ZDHHC7: variants seen among roughly 807,000 people sequenced by gnomAD.
The protein encoded by ZDHHC7 is zDHHC palmitoyltransferase 7, also known as palmitoyltransferase ZDHHC7.
ZDHHC7 carries 12 observed loss-of-function variants against 34.1 expected under a neutral mutation model. That is an observed-to-expected ratio of 0.35 (90% confidence interval 0.23 to 0.57). The LOEUF is 0.57. ZDHHC7 is among the 20% of genes least tolerant of loss of function. The pLI is 0.84. For missense variants in ZDHHC7, 388 were observed against 402.7 expected (o/e 0.96, Z 0.31); for synonymous variants, 185 against 155.4 (o/e 1.19, Z -1.42).
chr16:84,983,895 G>A lies in ZDHHC7; in HGVS notation c.316-1901C>T, dbSNP rs111525738. On this transcript the variant is annotated intron_variant, in intron 3 of 7. Coordinates refer to ENST00000313732, the MANE Select transcript of ZDHHC7 (RefSeq NM_017740.3). The stretch of plus-strand genomic sequence containing the variant: ...TGCGCTTGTAATATCCCAGCTACTC[G>A]GGAGGGTGAGGCAGAGCACCCGGGA... Among the ~76,000 whole-genome samples the A allele has an allele frequency of 5.0e-3, 749 of 151,102 alleles. 7 individuals carry two copies. The highest frequency in any genetic ancestry group is 0.017 in the African/African-American group (717 of 41,160).
intron 1 of ZDHHC7, among the ~76,000 whole-genome samples, chr16:85,000,045 C>T (rs2072633248): frequency 6.6e-6 from 1 of 151,370 alleles, no homozygotes; most frequent in South Asian, 2.1e-4. Context: ...GAGGCTGAGG[C>T]AGGAGGATCG....
intron 3 of ZDHHC7, among the ~76,000 whole-genome samples, chr16:84,987,828 T>A (rs535389740): frequency 7.8e-4 from 118 of 152,256 alleles, no homozygotes; most frequent in African/African-American, 2.8e-3. Context: ...CAATGCCTGG[T>A]GAGAGCCAGG....
intron 1 of ZDHHC7, among the ~76,000 whole-genome samples, chr16:85,003,831 G>C (rs550572990): frequency 2.0e-5 from 3 of 152,052 alleles, no homozygotes; most frequent in Non-Finnish European, 4.4e-5. Flanking sequence ...GTGGGAGAGG[G>C]AACACCAGTC....
At chr16:85,010,218 C>T (rs772646483) in intron 1 of ZDHHC7, among the ~76,000 whole-genome samples, 12 of 151,518 alleles carry the variant, frequency 7.9e-5, no homozygotes, top group Non-Finnish European at 1.5e-4. Flanking sequence ...AAGGGGATCT[C>T]ACTATGTTGC....
At chr16:85,019,898 C>G in the ZDHHC7 span, among the ~76,000 whole-genome samples, 9 of 152,274 alleles carry the variant, frequency 5.9e-5, no homozygotes, top group African/African-American at 1.9e-4. Flanking sequence ...CCAAATGTGC[C>G]TTGAACTTCT....
intron 2 of ZDHHC7, among the ~76,000 whole-genome samples, chr16:84,992,454 A>C (rs927099550): frequency 6.6e-6 from 1 of 152,236 alleles, no homozygotes; most frequent in African/African-American, 2.4e-5. Flanking sequence ...GCCTAGTGAC[A>C]GAGTGACACT....
intron 3 of ZDHHC7, among the ~76,000 whole-genome samples, chr16:84,990,092 C>T (rs1240673616): frequency 2.6e-5 from 4 of 152,168 alleles, no homozygotes; most frequent in South Asian, 2.1e-4. Context: ...TGCAAGGCGT[C>T]AGGAACTAGG....
intron 5 of ZDHHC7, 98 bp from the exon 6 acceptor site, chr16:84,978,103 T>C: frequency 1.1e-6 from 1 of 921,162 alleles, no homozygotes; most frequent in Admixed American, 2.7e-5. Flanking sequence ...AGCGGCGTAG[T>C]CTCAGCTCAC....
At chr16:85,027,149 C>A in the ZDHHC7 span, among the ~76,000 whole-genome samples, 2 of 152,250 alleles carry the variant, frequency 1.3e-5, no homozygotes, top group African/African-American at 4.8e-5. Context: ...ATCTACCAGT[C>A]TCAAAGATGC....
rs1359416326 is a variant in ZDHHC7 at position 84,975,666 on chromosome 16, A to G, written c.*677T>C. On this transcript the variant is annotated 3_prime_UTR_variant, in exon 8 of 8. Coordinates refer to ENST00000313732, the MANE Select transcript of ZDHHC7 (RefSeq NM_017740.3). ...CTAAAAAATAGCTTGTTTGCTGTAC[A>G]CAGCCGGTAAATGTTACATTGCCTA... The G allele has an allele frequency of 6.5e-6, 1 of 152,716 alleles. No individual in the cohort carries two copies. The highest frequency in any genetic ancestry group is 1.5e-5 in the Non-Finnish European group (1 of 68,082). 9.5% of individuals were successfully genotyped at this position (152,716 alleles called of 1,614,324 possible).
rs983134162 is a variant in ZDHHC7, at chr16:84,975,920, G to A, written c.*423C>T. On this transcript the variant is annotated 3_prime_UTR_variant, in exon 8 of 8. Coordinates refer to ENST00000313732, the MANE Select transcript of ZDHHC7 (RefSeq NM_017740.3). ...CTATGTAAACGCCCTGCTGTGATCC[G>A]GGGAGTGCACTGCTGAGTGGCGGGG... 3.1e-5 allele frequency: 6 copies of A among 192,168 alleles called. No individual in the cohort carries two copies. The highest frequency in any genetic ancestry group is 5.7e-5 in the Admixed American group (1 of 17,628). The allele number at this position is 192,168 out of a possible 1,614,324, so 11.9% of individuals were successfully genotyped here.
chr16:84,988,816 T>A, intron 3 of ZDHHC7: 2 of 1,551,736 alleles, frequency 1.3e-6, no homozygotes, highest in Middle Eastern at 3.4e-4. Context: ...CCCACAAGGG[T>A]TGGGTCCAGC....
chr16:85,004,899 T>C (rs1385310374), intron 1 of ZDHHC7: 1 of 147,520 alleles, frequency 6.8e-6, no homozygotes, highest in Non-Finnish European at 1.5e-5. Flanking sequence ...GAGACGGGGG[T>C]GAAGAGAAAA....
chr16:84,995,406 A>C (rs1231325208), intron 2 of ZDHHC7, among the ~76,000 whole-genome samples: 2 of 152,204 alleles, frequency 1.3e-5, no homozygotes, highest in East Asian at 3.9e-4. Context: ...CGAGTGGATC[A>C]CTTGTGGTCA....
At chr16:84,980,012 T>C (rs12444906) in intron 4 of ZDHHC7, among the ~76,000 whole-genome samples, 5 of 138,760 alleles carry the variant, frequency 3.6e-5, no homozygotes, top group Admixed American at 1.7e-4. Flanking sequence ...TGGAGTGCAG[T>C]GGCGCAATCT....
At chr16:84,986,427 G>A (rs888492516) in intron 3 of ZDHHC7, among the ~76,000 whole-genome samples, 9 of 152,176 alleles carry the variant, frequency 5.9e-5, no homozygotes, top group Non-Finnish European at 1.3e-4. Context: ...GACAGCAGTC[G>A]CGGCCCCATG....
intron 3 of ZDHHC7, among the ~76,000 whole-genome samples, chr16:84,989,300 A>T (rs2072477517): frequency 6.6e-6 from 1 of 152,198 alleles, no homozygotes; most frequent in South Asian, 2.1e-4. Flanking sequence ...ACAGTAAACA[A>T]TGTACATCCA....
upstream of ZDHHC7, among the ~76,000 whole-genome samples, chr16:85,015,882 C>T (rs1169839170): frequency 6.6e-6 from 1 of 151,974 alleles, no homozygotes; most frequent in Non-Finnish European, 1.5e-5. Context: ...TGATTTCTCT[C>T]AGGGCCTGCT....
At chr16:85,000,211 G>GA (rs1331762483) in intron 1 of ZDHHC7, among the ~76,000 whole-genome samples, 4 of 152,162 alleles carry the variant, frequency 2.6e-5, no homozygotes, top group Non-Finnish European at 4.4e-5. Context: ...ATGAGCAGGA[G>GA]AAAAAATACC....
Sources: gnomAD v4.1 joint callset for allele counts (sites outside exome capture counted in the v4.1 genomes callset) on GRCh38, gnomAD v4.1.1 for gene constraint, MANE v1.5 for transcripts, NCBI Gene and HGNC (gene_info 2026-07-23, HGNC 2026-07-21) for gene names.